Variants in AGMO observed in about 807,000 individuals in gnomAD.
AGMO encodes glyceryl-ether monooxygenase.
In AGMO, 75 loss-of-function variants were observed where a neutral mutation model predicts 60.2. The ratio of observed to expected loss-of-function variants is 1.25; its 90% CI spans 1.03 to 1.51. The LOEUF is 1.51. Among genes scored for constraint, AGMO ranks in the 40% most tolerant of loss-of-function variants. The pLI, the probability that AGMO is intolerant of heterozygous loss-of-function variation, is 0.00. For synonymous variants in AGMO, 261 were observed against 177.1 expected, an observed-to-expected ratio of 1.47 and a Z score of -3.76; for missense variants, 763 against 525.5, an observed-to-expected ratio of 1.45 and a Z score of -4.42.
intron 12 of AGMO, among the ~76,000 whole-genome samples, chr7:15,296,374 C>T (rs1455384545): frequency 6.6e-6 from 1 of 152,174 alleles, no homozygotes; most frequent in Non-Finnish European, 1.5e-5. Context: ...GTGCCTTACT[C>T]ATTTGTCTAA....
At chr7:15,317,975 C>G (rs1332919376) in intron 12 of AGMO, among the ~76,000 whole-genome samples, 1 of 146,764 alleles carries the variant, frequency 6.8e-6, no homozygotes, top group Non-Finnish European at 1.5e-5. Context: ...TATACACACA[C>G]ACGTATATAT....
At chr7:15,183,093 T>A in the AGMO span, among the ~76,000 whole-genome samples, 222 of 150,814 alleles carry the variant, frequency 1.5e-3, no homozygotes, top group Middle Eastern at 6.8e-3. Context: ...GGGGACACAA[T>A]TCCAAACCAT....
the AGMO span, among the ~76,000 whole-genome samples, chr7:15,134,844 G>A: frequency 2.1e-3 from 312 of 152,106 alleles, no homozygotes; most frequent in South Asian, 3.3e-3. Context: ...TCACATACAC[G>A]TAACTGAGAG....
At chr7:15,457,253 G>A (rs1782021841) in intron 3 of AGMO, among the ~76,000 whole-genome samples, 1 of 152,204 alleles carries the variant, frequency 6.6e-6, no homozygotes, top group East Asian at 1.9e-4. Flanking sequence ...GTAATTCAGT[G>A]TTCAGATAAC....
intron 12 of AGMO, among the ~76,000 whole-genome samples, chr7:15,208,073 G>A (rs2115473132): frequency 6.6e-6 from 1 of 152,346 alleles, no homozygotes; most frequent in East Asian, 1.9e-4. Context: ...AATTATGCCT[G>A]TGATTTATAA....
At chr7:15,303,503 G>A (rs530601073) in intron 12 of AGMO, among the ~76,000 whole-genome samples, 69 of 151,986 alleles carry the variant, frequency 4.5e-4, no homozygotes, top group African/African-American at 1.4e-3. Flanking sequence ...ACAGGAACAA[G>A]GTCATATCCC....
intron 12 of AGMO, among the ~76,000 whole-genome samples, chr7:15,365,262 T>A (rs1782924965): frequency 6.6e-6 from 1 of 151,444 alleles, no homozygotes; most frequent in East Asian, 2.0e-4. Flanking sequence ...GGTTGTGTAA[T>A]GTAATGTGTC....
intron 12 of AGMO, among the ~76,000 whole-genome samples, chr7:15,355,267 C>T (rs1338488115): frequency 1.3e-5 from 2 of 151,962 alleles, no homozygotes; most frequent in Admixed American, 1.3e-4. Context: ...CTATGGGAGG[C>T]CGAGACGGGC....
chr7:15,547,769 AGGTAAACAAAGCAGCC>A (rs1243596252), intron 2 of AGMO, among the ~76,000 whole-genome samples: 1 of 151,958 alleles, frequency 6.6e-6, no homozygotes, highest in Non-Finnish European at 1.5e-5. Flanking sequence ...GGGCTTGATT[AGGTAAACAAAGCAGCC>A]GGGAAGCTCC....
chr7:15,296,144 G>A (rs1784398885), intron 12 of AGMO, among the ~76,000 whole-genome samples: 1 of 151,896 alleles, frequency 6.6e-6, no homozygotes, highest in African/African-American at 2.4e-5. Context: ...CTTTTATAGT[G>A]AATGGGACTA....
chr7:15,392,800 AAAC>A (rs1337902254), intron 6 of AGMO, among the ~76,000 whole-genome samples: 1 of 36,506 alleles, frequency 2.7e-5, no homozygotes, highest in Non-Finnish European at 5.9e-5. Flanking sequence ...CTCTGTCTCA[AAAC>A]AAACAAACAA....
intron 3 of AGMO, among the ~76,000 whole-genome samples, chr7:15,463,480 C>T (rs1562520230): frequency 6.6e-6 from 1 of 152,120 alleles, no homozygotes; most frequent in African/African-American, 2.4e-5. Context: ...TACACACATA[C>T]AGAAATAAAA....
chr7:15,195,639 A>G (rs1339516083), downstream of AGMO, among the ~76,000 whole-genome samples: 1 of 152,116 alleles, frequency 6.6e-6, no homozygotes, highest in African/African-American at 2.4e-5. Flanking sequence ...CCCCTTTCCT[A>G]TTGGCACAAC....
At chr7:15,137,831 T>A in the AGMO span, among the ~76,000 whole-genome samples, 1 of 151,918 alleles carries the variant, frequency 6.6e-6, no homozygotes, top group Non-Finnish European at 1.5e-5. Flanking sequence ...AAGAGCAGAA[T>A]CATAGGTTAA....
At chr7:15,339,404 C>T (rs1316522601) in intron 12 of AGMO, among the ~76,000 whole-genome samples, 2 of 152,096 alleles carry the variant, frequency 1.3e-5, no homozygotes, top group South Asian at 2.1e-4. Context: ...AGGATAAGTA[C>T]ACTTTAATTT....
intron 12 of AGMO, chr7:15,306,616 G>C (rs2128529056): frequency 4.7e-6 from 2 of 422,072 alleles, no homozygotes; most frequent in Non-Finnish European, 9.5e-6. Flanking sequence ...GTGTTACCTT[G>C]CTAAAAAGTT....
intron 12 of AGMO, among the ~76,000 whole-genome samples, chr7:15,266,391 A>G (rs1783432552): frequency 6.7e-6 from 1 of 149,818 alleles, no homozygotes; most frequent in South Asian, 2.3e-4. Context: ...TTTTACTGCA[A>G]TGGAAAAAGC....
chr7:15,352,538 G>A (rs146261880), intron 12 of AGMO, among the ~76,000 whole-genome samples: 5 of 151,832 alleles, frequency 3.3e-5, no homozygotes, highest in African/African-American at 1.2e-4. Context: ...TTCAGGGGAG[G>A]GGGTGGTGCT....
chr7:15,550,428 A>T (rs1466365819), intron 2 of AGMO, among the ~76,000 whole-genome samples: 3 of 152,192 alleles, frequency 2.0e-5, no homozygotes, highest in Non-Finnish European at 2.9e-5. Context: ...AGCAAGACTA[A>T]TAAAGAAGAA....
Sources: gnomAD v4.1 joint callset for allele counts (sites outside exome capture counted in the v4.1 genomes callset) on GRCh38, gnomAD v4.1.1 for gene constraint, MANE v1.5 for transcripts, NCBI Gene and HGNC (gene_info 2026-07-23, HGNC 2026-07-21) for gene names.